Variants in CWC27 observed in about 807,000 individuals in gnomAD.
The protein encoded by CWC27 is CWC27 spliceosome associated cyclophilin.
Under a neutral mutation model 63.6 loss-of-function variants are expected in CWC27, and 47 were observed. That is an observed-to-expected ratio of 0.74 (90% CI 0.58 to 0.94). The LOEUF (loss-of-function observed/expected upper bound fraction) is 0.94, where lower values mean the gene tolerates loss of function less well. Among genes scored for constraint, CWC27 ranks in the 40% least tolerant of loss-of-function variants. CWC27 has a pLI of 0.00. For synonymous variants in CWC27, 175 were observed against 179.8 expected (o/e 0.97, Z 0.22); for missense variants, 495 against 554.3 (o/e 0.89, Z 1.07).
chr5:64,922,864 G>A (rs571245928), intron 11 of CWC27, among the ~76,000 whole-genome samples: 17 of 152,142 alleles, frequency 1.1e-4, no homozygotes, highest in Admixed American at 6.5e-4. Flanking sequence ...AAATGACTTC[G>A]TTTCTGGATG....
At chr5:64,936,678 C>T (rs1580736533) in intron 11 of CWC27, among the ~76,000 whole-genome samples, 1 of 152,198 alleles carries the variant, frequency 6.6e-6, no homozygotes. Context: ...GGAATGGTAC[C>T]ACCTCGTCTT....
chr5:64,909,330 G>T (rs1245239289), intron 11 of CWC27, among the ~76,000 whole-genome samples: 4 of 152,122 alleles, frequency 2.6e-5, no homozygotes, highest in African/African-American at 4.8e-5. Flanking sequence ...GCTTCCCTTT[G>T]TAGGTAACCC....
intron 10 of CWC27, 134 bp downstream of exon 10, chr5:64,804,520 A>T: frequency 1.1e-6 from 1 of 952,186 alleles, no homozygotes; most frequent in South Asian, 2.3e-5. Context: ...CAGTTGTACA[A>T]ATTGGCCCAT....
intron 10 of CWC27, among the ~76,000 whole-genome samples, chr5:64,865,073 G>A (rs1324575677): frequency 6.6e-6 from 1 of 151,590 alleles, no homozygotes; most frequent in African/African-American, 2.4e-5. Flanking sequence ...TATTTATTAT[G>A]CATCAACTGT....
chr5:64,993,826 C>T (rs1271768718), intron 13 of CWC27, among the ~76,000 whole-genome samples: 3 of 152,094 alleles, frequency 2.0e-5, no homozygotes, highest in African/African-American at 7.2e-5. Flanking sequence ...CATATGGCAA[C>T]GAAGCCAGTG....
chr5:64,803,335 A>G (rs1339737635), intron 9 of CWC27, among the ~76,000 whole-genome samples: 1 of 152,158 alleles, frequency 6.6e-6, no homozygotes, highest in African/African-American at 2.4e-5. Flanking sequence ...TCCATCTGTC[A>G]ATGCTGGGCA....
intron 1 of CWC27, among the ~76,000 whole-genome samples, chr5:64,772,986 C>T (rs888238738): frequency 1.3e-5 from 2 of 150,248 alleles, no homozygotes; most frequent in African/African-American, 2.4e-5. Flanking sequence ...TTTTTCATAA[C>T]GACTAGCCAA....
intron 11 of CWC27, among the ~76,000 whole-genome samples, chr5:64,922,618 C>T (rs1174586595): frequency 6.6e-6 from 1 of 152,218 alleles, no homozygotes; most frequent in Non-Finnish European, 1.5e-5. Context: ...TTCTGTCTGA[C>T]ATTTCAGCCA....
At position 64,804,215 on chromosome 5, in the gene CWC27, T is replaced by C. The variant is rs1242566503; in HGVS notation, c.781-14T>C. 6.3e-7 allele frequency: 1 copy of C among 1,578,114 alleles called. No individual in the cohort carries two copies. Among genetic ancestry groups the C allele is most frequent in the Non-Finnish European group, 8.6e-7 (1 of 1,161,282 alleles). Reference sequence around the variant, plus strand: ...ATTGAGCACCTGGCAAATACTCATTTTCCATTTCTACAGGATGGAGAAGAT... The same window carrying C: ...ATTGAGCACCTGGCAAATACTCATTCTCCATTTCTACAGGATGGAGAAGAT... On this transcript the variant is annotated splice_polypyrimidine_tract_variant and intron_variant, in intron 9 of 13. Coordinates refer to ENST00000381070, the MANE Select transcript of CWC27 (RefSeq NM_005869.4).
At chr5:64,924,343 G>T (rs747236448) in intron 11 of CWC27, among the ~76,000 whole-genome samples, 1 of 152,142 alleles carries the variant, frequency 6.6e-6, no homozygotes, top group Non-Finnish European at 1.5e-5. Flanking sequence ...AACCCTTCAA[G>T]CTAGCTTATG....
intron 10 of CWC27, among the ~76,000 whole-genome samples, chr5:64,860,707 T>C (rs1314021447): frequency 6.6e-6 from 1 of 152,228 alleles, no homozygotes; most frequent in Non-Finnish European, 1.5e-5. Flanking sequence ...TTTAAAGTTA[T>C]ACTGTAAACA....
At chr5:64,841,936 T>A (rs1323592808) in intron 10 of CWC27, among the ~76,000 whole-genome samples, 1 of 152,150 alleles carries the variant, frequency 6.6e-6, no homozygotes, top group African/African-American at 2.4e-5. Context: ...CACCTTGGCC[T>A]CCCAAAGTGC....
At chr5:64,923,001 C>G (rs1646835870) in intron 11 of CWC27, among the ~76,000 whole-genome samples, 1 of 152,068 alleles carries the variant, frequency 6.6e-6, no homozygotes, top group African/African-American at 2.4e-5. Flanking sequence ...GCTGTTGGTG[C>G]CAGATGTTCT....
At chr5:64,793,625 G>A (rs529054139) in intron 7 of CWC27, among the ~76,000 whole-genome samples, 1 of 152,246 alleles carries the variant, frequency 6.6e-6, no homozygotes, top group Admixed American at 6.5e-5. Context: ...ATTTTTAAGT[G>A]TATGAAATGA....
intron 6 of CWC27, among the ~76,000 whole-genome samples, chr5:64,787,315 A>G (rs1561406471): frequency 1.3e-5 from 2 of 152,282 alleles, no homozygotes; most frequent in South Asian, 2.1e-4. Flanking sequence ...CAAACATGTC[A>G]TCTCAGTTGT....
intron 8 of CWC27, 25 bp downstream of exon 8, chr5:64,800,352 T>C (rs1158085857): frequency 2.0e-6 from 3 of 1,508,754 alleles, no homozygotes; most frequent in Non-Finnish European, 1.8e-6. Context: ...GGTATGATCC[T>C]AAGTTCTTAA....
At position 64,954,777 on chromosome 5, in the gene CWC27, C is replaced by CAT. The variant is rs10556328; in HGVS notation, c.1043-16911_1043-16910dup. Among the ~76,000 whole-genome samples the CAT allele has an allele frequency of 1.9e-3, 261 of 140,870 alleles. 2 individuals are homozygous for CAT. The highest frequency in any genetic ancestry group is 0.01 in the East Asian group (48 of 4,732). The allele number at this position is 140,870 out of a possible 152,430, so 92.4% of individuals were successfully genotyped here. A position where few individuals can be genotyped will look rare whatever the true frequency, so the allele number is the denominator to read the frequency against. ...CTATATATATAGTGCTTTCTATATG[C>CAT]ATATATATATATATATGTATGTATG... On this transcript the variant is annotated intron_variant, in intron 11 of 13. Transcript: ENST00000381070.
At chr5:64,820,862 A>G (rs762519181) in intron 10 of CWC27, among the ~76,000 whole-genome samples, 1 of 152,082 alleles carries the variant, frequency 6.6e-6, no homozygotes, top group Non-Finnish European at 1.5e-5. Context: ...GGGGTTTGAC[A>G]GTGAGTTTTT....
chr5:64,813,170 T>C (rs1744927049), intron 10 of CWC27, among the ~76,000 whole-genome samples: 1 of 152,124 alleles, frequency 6.6e-6, no homozygotes, highest in African/African-American at 2.4e-5. Flanking sequence ...TGGTTAAAAT[T>C]TTGGAATAGT....
Sources: allele counts gnomAD v4.1 joint callset (sites outside exome capture counted in the v4.1 genomes callset), GRCh38; gene constraint gnomAD v4.1.1; transcripts MANE v1.5; gene names NCBI Gene and HGNC (gene_info 2026-07-23, HGNC 2026-07-21).